The following ARFIP1 variants were observed in gnomAD, a reference collection of about 807,000 sequenced individuals.
ARFIP1 encodes arfaptin-1.
Under a neutral mutation model 42.5 loss-of-function variants are expected in ARFIP1, and 24 were observed. The ratio of observed to expected loss-of-function variants is 0.57; its 90% CI spans 0.41 to 0.80. The LOEUF is 0.80. ARFIP1 is among the 30% of genes least tolerant of loss of function. ARFIP1 has a pLI of 0.00. For missense variants in ARFIP1, 354 were observed against 434.0 expected (o/e 0.82, Z 1.64); for synonymous variants, 141 against 153.7 (o/e 0.92, Z 0.61).
At chr4:152,828,946 G>T (rs1173032832) in intron 1 of ARFIP1, among the ~76,000 whole-genome samples, 1 of 152,160 alleles carries the variant, frequency 6.6e-6, no homozygotes, top group African/African-American at 2.4e-5. Context: ...TGGATGTCCA[G>T]CACCATTATT....
At chr4:152,806,451 T>A (rs1243222611) in intron 1 of ARFIP1, among the ~76,000 whole-genome samples, 1 of 152,184 alleles carries the variant, frequency 6.6e-6, no homozygotes, top group Non-Finnish European at 1.5e-5. Context: ...ATTGGGGGCC[T>A]GCAGGAAAAA....
intron 8 of ARFIP1, among the ~76,000 whole-genome samples, chr4:152,889,208 T>C (rs956080209): frequency 2.0e-4 from 31 of 152,088 alleles, no homozygotes; most frequent in Non-Finnish European, 3.5e-4. Flanking sequence ...TTTAGTAAAC[T>C]ATAACTGTCA....
intron 2 of ARFIP1, among the ~76,000 whole-genome samples, chr4:152,833,481 C>T (rs374319445): frequency 9.2e-5 from 14 of 152,216 alleles, no homozygotes; most frequent in South Asian, 4.1e-4. Context: ...TAAAGTAGAA[C>T]GACCATAAGA....
At chr4:152,788,062 C>T (rs1214472469) in intron 1 of ARFIP1, among the ~76,000 whole-genome samples, 2 of 151,976 alleles carry the variant, frequency 1.3e-5, no homozygotes, top group African/African-American at 4.8e-5. Flanking sequence ...CCTGTCTCTA[C>T]TAAAAAATAT....
rs1377103047 is a variant in ARFIP1 at position 152,804,087 on chromosome 4, A to AAG, written c.-10+23862_-10+23863insGA. 3.9e-3 allele frequency among the ~76,000 whole-genome samples: 353 copies of AAG among 89,526 alleles called. 28 individuals are homozygous for AAG. Among genetic ancestry groups the AAG allele is most frequent in the Middle Eastern group, 6.0e-3 (1 of 166 alleles). The allele number at this position is 89,526 out of a possible 152,430, so 58.7% of individuals were successfully genotyped here. On this transcript the variant is annotated intron_variant, in intron 1 of 8. Coordinates refer to ENST00000353617, the MANE Select transcript of ARFIP1 (RefSeq NM_001025595.3). ...ATGTAATATATATTATATATAATAT[A>AAG]ACGTAATATATATTATATATAATAT...
At chr4:152,884,985 A>G (rs1337521248) in intron 7 of ARFIP1, among the ~76,000 whole-genome samples, 1 of 152,024 alleles carries the variant, frequency 6.6e-6, no homozygotes, top group African/African-American at 2.4e-5. Flanking sequence ...AACAACAGTA[A>G]TGTTGTTTTT....
intron 1 of ARFIP1, among the ~76,000 whole-genome samples, chr4:152,793,189 T>G (rs994380137): frequency 6.6e-6 from 1 of 151,832 alleles, no homozygotes; most frequent in Non-Finnish European, 1.5e-5. Context: ...TGTATTTTGT[T>G]ATCAAAGTTA....
At chr4:152,834,748 A>G (rs1326202940) in intron 2 of ARFIP1, among the ~76,000 whole-genome samples, 5 of 152,106 alleles carry the variant, frequency 3.3e-5, no homozygotes, top group East Asian at 1.9e-4. Context: ...TGGTGGTTCT[A>G]CCATTCTCGG....
intron 5 of ARFIP1, among the ~76,000 whole-genome samples, chr4:152,873,208 T>A (rs935557873): frequency 6.6e-6 from 1 of 152,210 alleles, no homozygotes; most frequent in African/African-American, 2.4e-5. Flanking sequence ...GTGGAATAGT[T>A]AGGATGAAAG....
chr4:152,794,147 T>C (rs1731292635), intron 1 of ARFIP1, among the ~76,000 whole-genome samples: 1 of 152,130 alleles, frequency 6.6e-6, no homozygotes, highest in African/African-American at 2.4e-5. Context: ...AAGTAGGAAA[T>C]GAACATTGAT....
intron 1 of ARFIP1, among the ~76,000 whole-genome samples, chr4:152,818,118 G>A (rs1008073594): frequency 6.6e-6 from 1 of 152,160 alleles, no homozygotes; most frequent in Admixed American, 6.5e-5. Flanking sequence ...TAGCATGCCT[G>A]TCCCACTTGG....
intron 1 of ARFIP1, among the ~76,000 whole-genome samples, chr4:152,801,084 G>T (rs1176395374): frequency 1.3e-5 from 2 of 152,246 alleles, no homozygotes; most frequent in East Asian, 3.9e-4. Flanking sequence ...TCAAGCTGAG[G>T]AGTCGGCTTT....
At chr4:152,854,202 C>T (rs757746784) in intron 2 of ARFIP1, among the ~76,000 whole-genome samples, 7 of 152,080 alleles carry the variant, frequency 4.6e-5, no homozygotes, top group African/African-American at 7.2e-5. Context: ...CATAAGCCAC[C>T]GCACTCAGCC....
intron 2 of ARFIP1, among the ~76,000 whole-genome samples, chr4:152,852,066 A>G (rs1186769095): frequency 6.6e-6 from 1 of 152,154 alleles, no homozygotes. Context: ...ACTATTAAAT[A>G]CTCAAGCATT....
intron 2 of ARFIP1, among the ~76,000 whole-genome samples, chr4:152,838,577 T>C (rs929552024): frequency 5.3e-5 from 8 of 152,192 alleles, no homozygotes; most frequent in African/African-American, 1.9e-4. Context: ...TTTGATTCTC[T>C]TCTTGGTCAC....
intron 1 of ARFIP1, among the ~76,000 whole-genome samples, chr4:152,808,968 C>A (rs1157344672): frequency 6.6e-6 from 1 of 152,094 alleles, no homozygotes; most frequent in African/African-American, 2.4e-5. Flanking sequence ...AGGAGAATGG[C>A]TTGAACCTGG....
At chr4:152,879,176 C>A (rs1381718214) in intron 5 of ARFIP1, among the ~76,000 whole-genome samples, 2 of 149,402 alleles carry the variant, frequency 1.3e-5, no homozygotes, top group African/African-American at 5.0e-5. Context: ...AAATAACACT[C>A]TTTTGTTAAA....
At chr4:152,905,542 A>ATTTTTTTTTTTTTTTTTTTTT (rs1391678382) in intron 8 of ARFIP1, among the ~76,000 whole-genome samples, 1 of 45,958 alleles carries the variant, frequency 2.2e-5, no homozygotes, top group Non-Finnish European at 4.2e-5. Flanking sequence ...AATTGTAAGA[A>ATTTTTTTTTTTTTTTTTTTTT]TTGTTTTTTT....
At chr4:152,855,850 TTGGGA>T (rs1214243911) in intron 2 of ARFIP1, among the ~76,000 whole-genome samples, 1 of 152,216 alleles carries the variant, frequency 6.6e-6, no homozygotes, top group Non-Finnish European at 1.5e-5. Context: ...CTTTCCCATA[TTGGGA>T]AGTCTCCCTT....
Sources: gnomAD v4.1 joint callset for allele counts (sites outside exome capture counted in the v4.1 genomes callset) on GRCh38, gnomAD v4.1.1 for gene constraint, MANE v1.5 for transcripts, NCBI Gene and HGNC (gene_info 2026-07-23, HGNC 2026-07-21) for gene names.